The following IFNAR2 variants were observed in gnomAD, a reference collection of about 807,000 sequenced individuals.
IFNAR2 encodes the protein interferon alpha and beta receptor subunit 2, also known as interferon alpha/beta receptor 2.
A neutral mutation model predicts 49.4 loss-of-function variants in IFNAR2; 30 were observed. The observed-to-expected ratio is 0.61, with a 90% confidence interval of 0.45 to 0.82. The LOEUF (loss-of-function observed/expected upper bound fraction) is 0.82. Among genes scored for constraint, IFNAR2 ranks in the 40% least tolerant of loss-of-function variants. The pLI, the probability that IFNAR2 is intolerant of heterozygous loss-of-function variation, is 0.00. For missense variants in IFNAR2, 600 were observed against 622.7 expected (o/e 0.96, Z 0.39); for synonymous variants, 224 against 234.5 (o/e 0.96, Z 0.41).
At chr21:33,237,349 T>C (rs1986557448) in intron 1 of IFNAR2, among the ~76,000 whole-genome samples, 1 of 150,860 alleles carries the variant, frequency 6.6e-6, no homozygotes, top group Non-Finnish European at 1.5e-5. Context: ...CTGGACAACA[T>C]AGCAAAGCCC....
intron 1 of IFNAR2, among the ~76,000 whole-genome samples, chr21:33,237,705 C>G (rs1032291375): frequency 6.6e-6 from 1 of 152,186 alleles, no homozygotes; most frequent in African/African-American, 2.4e-5. Flanking sequence ...TAGTTCCAGG[C>G]AGTCGTGCTT....
chr21:33,245,910 C>G (rs1692218702), intron 4 of IFNAR2, among the ~76,000 whole-genome samples: 1 of 152,078 alleles, frequency 6.6e-6, no homozygotes, highest in African/African-American at 2.4e-5. Flanking sequence ...CTGCATTGTC[C>G]CTGAAATAGC....
intron 7 of IFNAR2, among the ~76,000 whole-genome samples, chr21:33,257,051 T>TAC (rs1324043467): frequency 6.6e-6 from 1 of 152,026 alleles, no homozygotes; most frequent in Non-Finnish European, 1.5e-5. Flanking sequence ...AACAGGTAGG[T>TAC]ACAGGGAGAG....
At chr21:33,244,095 C>T (rs1366344111) in intron 3 of IFNAR2, among the ~76,000 whole-genome samples, 1 of 151,954 alleles carries the variant, frequency 6.6e-6, no homozygotes, top group Non-Finnish European at 1.5e-5. Context: ...TTTTTTTTAA[C>T]TAAACTTCTT....
Position 33,263,088 on chromosome 21 carries a change from C to T in IFNAR2, c.1136C>T (p.Thr379Met), listed in dbSNP as rs780171388. 9.3e-5 allele frequency: 150 copies of T among 1,614,124 alleles called. No individual in the cohort carries two copies. The highest frequency in any genetic ancestry group is 4.9e-4 in the Middle Eastern group (3 of 6,062). ...CCTGAGGTTGATGTGGAGCTCCCCA[C>T]GATGCCAAAGGACAGCCCTCAGCAG... ...DLPEVDVELP[T>M]MPKDSPQQLE... Residue 379 changes from threonine (T) to methionine (M), a missense_variant, in exon 9 of 9, where the codon ACG becomes ATG. By Grantham distance (81) the Thr-to-Met change is moderately conservative. Coordinates refer to ENST00000342136, the MANE Select transcript of IFNAR2 (RefSeq NM_001289125.3).
chr21:33,247,115 C>T (rs902194375), intron 5 of IFNAR2, among the ~76,000 whole-genome samples: 3 of 152,104 alleles, frequency 2.0e-5, no homozygotes, highest in Non-Finnish European at 4.4e-5. Context: ...GCAGATTTGC[C>T]CCGTGCCTGT....
intron 7 of IFNAR2, among the ~76,000 whole-genome samples, chr21:33,257,622 AC>A (rs1464656429): frequency 6.6e-6 from 1 of 152,144 alleles, no homozygotes; most frequent in Non-Finnish European, 1.5e-5. Flanking sequence ...TGTGCATTTT[AC>A]AATCCTCTTG....
At chr21:33,255,864 C>T (rs1044502438) in intron 7 of IFNAR2, among the ~76,000 whole-genome samples, 2 of 152,156 alleles carry the variant, frequency 1.3e-5, no homozygotes, top group Non-Finnish European at 2.9e-5. Flanking sequence ...CCCATCACCT[C>T]ACAAGCATAA....
chr21:33,239,064 A>G (rs976881736), intron 1 of IFNAR2, among the ~76,000 whole-genome samples: 3 of 152,206 alleles, frequency 2.0e-5, no homozygotes, highest in Admixed American at 6.5e-5. Context: ...GTAAATTGGT[A>G]TAGCCCCGCG....
chr21:33,246,268 C>T (rs1362414325), intron 4 of IFNAR2, among the ~76,000 whole-genome samples: 1 of 152,096 alleles, frequency 6.6e-6, no homozygotes. Context: ...GACGGGGTTT[C>T]ACCATGTTAG....
At position 33,230,308 on chromosome 21, in the gene IFNAR2, C is replaced by T. The variant is rs1985944860; in HGVS notation, c.-84+92C>T. 1 of 1,011,364 alleles carries T rather than the reference C, an allele frequency of 9.9e-7. No homozygotes were observed. Among genetic ancestry groups the T allele is most frequent in the African/African-American group, 1.7e-5 (1 of 57,182 alleles). The allele number at this position is 1,011,364 out of a possible 1,614,324, so 62.6% of individuals were successfully genotyped here. On this transcript the variant is annotated intron_variant, in intron 1 of 8. Coordinates refer to ENST00000342136, the MANE Select transcript of IFNAR2 (RefSeq NM_001289125.3). The surrounding 1 kb of genome is among the most constrained non-coding windows in gnomAD (Gnocchi z 5.5). ...CTCCCTGCAGCGGTTCCCGGAATCC[C>T]CTCCGGTTCCCTCTCGCTCTCCCCG...
chr21:33,241,597 A>T (rs1986929785), intron 1 of IFNAR2, among the ~76,000 whole-genome samples: 1 of 151,766 alleles, frequency 6.6e-6, no homozygotes, highest in Admixed American at 6.6e-5. Flanking sequence ...CAAAAGAAAA[A>T]AAAGTTTTCT....
rs760626313 is a variant in IFNAR2 at position 33,260,554 on chromosome 21, A to T, written c.710-43A>T. On this transcript the variant is annotated intron_variant, in intron 7 of 8. Coordinates refer to ENST00000342136, the MANE Select transcript of IFNAR2 (RefSeq NM_001289125.3). ...CATTTATTTCCATCTGCAATTGTTT[A>T]TTGCATTTTTTGAAATAAAGTCATT... 2.9e-5 allele frequency: 45 copies of T among 1,560,384 alleles called. 1 individual carries two copies. The South Asian group carries it at 5.2e-4, about 18-fold the overall frequency.
intron 3 of IFNAR2, 24 bp downstream of exon 3, chr21:33,243,738 C>G: frequency 2.5e-6 from 4 of 1,577,534 alleles, no homozygotes; most frequent in Non-Finnish European, 3.5e-6. Context: ...TTTGGCTTCA[C>G]TAAATTTTGT....
intron 7 of IFNAR2, among the ~76,000 whole-genome samples, chr21:33,258,467 T>A (rs573793116): frequency 6.6e-6 from 1 of 152,312 alleles, no homozygotes; most frequent in Non-Finnish European, 1.5e-5. Context: ...AGAGCCTCCA[T>A]AAGGAGTTCA....
intron 1 of IFNAR2, 110 bp from the exon 2 acceptor site, chr21:33,241,730 A>G: frequency 1.5e-6 from 1 of 682,274 alleles, no homozygotes; most frequent in Non-Finnish European, 2.2e-6. Flanking sequence ...GATTGGGCCC[A>G]GAAGCTGAGA....
chr21:33,255,790 C>T (rs559309135), intron 7 of IFNAR2, among the ~76,000 whole-genome samples: 25 of 152,262 alleles, frequency 1.6e-4, no homozygotes, highest in Admixed American at 1.2e-3. Context: ...AAGTTCCAAC[C>T]GTCTGATCAT....
chr21:33,240,838 A>G (rs1170957304), intron 1 of IFNAR2, among the ~76,000 whole-genome samples: 2 of 151,718 alleles, frequency 1.3e-5, no homozygotes, highest in African/African-American at 2.4e-5. Context: ...AGTTACATAT[A>G]TATACACACA....
chr21:33,252,851 T>G (rs775190715), intron 7 of IFNAR2, 21 bp downstream of exon 7: 28 of 1,593,482 alleles, frequency 1.8e-5, no homozygotes, highest in Non-Finnish European at 2.3e-5. Flanking sequence ...TTTTTTAAAT[T>G]CATGTTTTGA....
Sources: allele counts gnomAD v4.1 joint callset (sites outside exome capture counted in the v4.1 genomes callset), GRCh38; gene constraint gnomAD v4.1.1; non-coding constraint Gnocchi (gnomAD v3.1); transcripts MANE v1.5; gene names NCBI Gene and HGNC (gene_info 2026-07-23, HGNC 2026-07-21).